The following SCFD2 variants were observed in gnomAD, a reference collection of about 807,000 sequenced individuals.
SCFD2 encodes sec1 family domain-containing protein 2.
In SCFD2, 54 loss-of-function variants were observed where a neutral mutation model predicts 58.9. The ratio of observed to expected loss-of-function variants is 0.92; its 90% CI spans 0.74 to 1.15. The LOEUF (loss-of-function observed/expected upper bound fraction) is 1.15. Ranked by LOEUF, SCFD2 falls within the 50% of genes most tolerant of loss-of-function variation. SCFD2 has a pLI of 0.00. For missense variants in SCFD2, 805 were observed against 836.6 expected, an observed-to-expected ratio of 0.96 and a Z score of 0.47; for synonymous variants, 321 against 335.9, an observed-to-expected ratio of 0.96 and a Z score of 0.49.
chr4:53,356,501 C>A (rs1301957270), intron 1 of SCFD2, among the ~76,000 whole-genome samples: 1 of 152,176 alleles, frequency 6.6e-6, no homozygotes, highest in African/African-American at 2.4e-5. Context: ...TCATGGCTCA[C>A]TGCAGCCTAG....
intron 4 of SCFD2, among the ~76,000 whole-genome samples, chr4:53,159,679 C>T (rs1470466781): frequency 6.6e-6 from 1 of 152,086 alleles, no homozygotes; most frequent in Admixed American, 6.6e-5. Context: ...CAGAGGGAAA[C>T]CAGATTCCCC....
At chr4:52,955,364 A>G (rs1044690704) in intron 5 of SCFD2, among the ~76,000 whole-genome samples, 1 of 152,228 alleles carries the variant, frequency 6.6e-6, no homozygotes, top group Non-Finnish European at 1.5e-5. Context: ...TATAAGAAAC[A>G]GATCTCACAG....
chr4:52,994,191 TC>T (rs760355241), intron 5 of SCFD2, among the ~76,000 whole-genome samples: 38 of 152,236 alleles, frequency 2.5e-4, no homozygotes, highest in Non-Finnish European at 3.8e-4. Flanking sequence ...GCTCAAGCAT[TC>T]TGGGCAAGTC....
intron 4 of SCFD2, among the ~76,000 whole-genome samples, chr4:53,260,626 C>A (rs1291527389): frequency 6.6e-6 from 1 of 151,960 alleles, no homozygotes; most frequent in African/African-American, 2.4e-5. Flanking sequence ...TGGACTCAGT[C>A]CACTAGTATT....
At chr4:53,313,437 C>G (rs781122366) in intron 3 of SCFD2, among the ~76,000 whole-genome samples, 199 bp downstream of exon 3, 11 of 152,262 alleles carry the variant, frequency 7.2e-5, no homozygotes, top group Middle Eastern at 3.4e-3. Flanking sequence ...CTAGAGAGTT[C>G]CCAAAGCTGA....
chr4:53,214,599 G>C (rs987673556), intron 4 of SCFD2, among the ~76,000 whole-genome samples: 3 of 152,216 alleles, frequency 2.0e-5, no homozygotes, highest in Admixed American at 6.5e-5. Context: ...CCATTCTGTA[G>C]GTTGCCTGTT....
intron 5 of SCFD2, among the ~76,000 whole-genome samples, chr4:53,076,739 C>A (rs1723987862): frequency 6.6e-6 from 1 of 152,156 alleles, no homozygotes; most frequent in Non-Finnish European, 1.5e-5. Context: ...TGAGCAGGAG[C>A]TCCCCAGCAG....
chr4:52,923,716 C>T (rs577560957), intron 5 of SCFD2, among the ~76,000 whole-genome samples: 1 of 152,120 alleles, frequency 6.6e-6, no homozygotes, highest in African/African-American at 2.4e-5. Flanking sequence ...TCTATAATTC[C>T]CTCTTGATTC....
rs1347942648 is a variant in SCFD2, at chr4:52,907,523, A to C, written c.1776T>G (p.Val592=). The part of the protein sequence containing the change: ...EIFHPERPDS[V]DIEHMSSGLT... ...GGCCTGAAGACATGTGTTCAATATC[A>C]ACGGAATCTGGCCTCTCGGGATGAA... Residue 592 remains valine (V), a synonymous_variant, in exon 7 of 9, where the codon GTT becomes GTG. Transcript: ENST00000401642. The C allele has an allele frequency of 2.5e-6, 4 of 1,613,788 alleles. No individual in the cohort carries two copies. In the African/African-American group the frequency reaches 5.3e-5, roughly 22 times the overall value.
intron 5 of SCFD2, among the ~76,000 whole-genome samples, chr4:53,073,102 C>A (rs182775016): frequency 6.6e-6 from 1 of 152,126 alleles, no homozygotes; most frequent in African/African-American, 2.4e-5. Context: ...CCTTGCTATT[C>A]CCCAAATCAT....
chr4:53,065,030 A>G (rs1416313066), intron 5 of SCFD2, among the ~76,000 whole-genome samples: 2 of 152,142 alleles, frequency 1.3e-5, no homozygotes, highest in African/African-American at 2.4e-5. Flanking sequence ...GAAAAGAGCC[A>G]AAGTTTTTCC....
At chr4:52,896,228 G>A (rs531752334) in intron 7 of SCFD2, among the ~76,000 whole-genome samples, 132 of 152,290 alleles carry the variant, frequency 8.7e-4, no homozygotes, top group African/African-American at 3.0e-3. Flanking sequence ...TAGACATGAA[G>A]TCCTTGCCCA....
At chr4:52,881,763 TC>T (rs1423357658) in intron 8 of SCFD2, among the ~76,000 whole-genome samples, 1 of 152,178 alleles carries the variant, frequency 6.6e-6, no homozygotes, top group Non-Finnish European at 1.5e-5. Flanking sequence ...GTTTTTGTGG[TC>T]TTTTCCAGAA....
intron 4 of SCFD2, among the ~76,000 whole-genome samples, chr4:53,214,958 G>A (rs982122467): frequency 1.3e-5 from 2 of 152,140 alleles, no homozygotes; most frequent in East Asian, 1.9e-4. Context: ...AGATCAGATA[G>A]TTGTAGATAT....
intron 5 of SCFD2, among the ~76,000 whole-genome samples, chr4:52,928,609 G>A (rs1420863445): frequency 1.3e-5 from 2 of 152,126 alleles, no homozygotes; most frequent in Non-Finnish European, 2.9e-5. Flanking sequence ...CTGGCTCCCC[G>A]ACTATGCTGA....
intron 5 of SCFD2, among the ~76,000 whole-genome samples, chr4:53,012,610 T>C (rs1235634612): frequency 1.3e-5 from 2 of 152,174 alleles, no homozygotes; most frequent in Admixed American, 6.5e-5. Context: ...CCTTTGTTCA[T>C]GTAGGATAAA....
intron 5 of SCFD2, among the ~76,000 whole-genome samples, chr4:52,944,211 C>T (rs1720362799): frequency 6.6e-6 from 1 of 152,248 alleles, no homozygotes; most frequent in African/African-American, 2.4e-5. Context: ...ACTGAGAATT[C>T]TCTTGTTTCT....
intron 5 of SCFD2, among the ~76,000 whole-genome samples, chr4:53,063,072 TTA>T: frequency 6.6e-6 from 1 of 152,164 alleles, no homozygotes; most frequent in East Asian, 1.9e-4. Context: ...AAATATAGGT[TTA>T]TATTTAAAAT....
At position 53,341,865 on chromosome 4, in the gene SCFD2, G is replaced by T. The variant is rs543765160; in HGVS notation, c.1007+10733C>A. Among the ~76,000 whole-genome samples the T allele has an allele frequency of 8.6e-3, 1,308 of 152,218 alleles. 17 individuals carry two copies. The highest frequency in any genetic ancestry group is 0.03 in the African/African-American group (1,234 of 41,536). ...TCATATCCAGCCAAACTAAGCTTCA[G>T]AAGTGAAGGAGAAATAAAATCCTTT... is the stretch of plus-strand genomic sequence containing the variant. On this transcript the variant is annotated intron_variant, in intron 2 of 8. Coordinates refer to ENST00000401642, the MANE Select transcript of SCFD2 (RefSeq NM_152540.4).
Sources: allele counts gnomAD v4.1 joint callset (sites outside exome capture counted in the v4.1 genomes callset), GRCh38; gene constraint gnomAD v4.1.1; transcripts MANE v1.5; gene names NCBI Gene and HGNC (gene_info 2026-07-23, HGNC 2026-07-21).